RFC1: variants seen among roughly 807,000 people sequenced by gnomAD.
RFC1 encodes replication factor C subunit 1, also known as A1 140 kDa subunit.
RFC1 carries 37 observed loss-of-function variants against 137.4 expected under a neutral mutation model. The ratio of observed to expected loss-of-function variants is 0.27; its 90% CI spans 0.21 to 0.35. The LOEUF (loss-of-function observed/expected upper bound fraction) is 0.35, where lower values mean the gene tolerates loss of function less well. Among genes scored for constraint, RFC1 ranks in the 10% least tolerant of loss-of-function variants. RFC1 has a pLI of 1.00. For missense variants in RFC1, 1,205 were observed against 1,358.5 expected (o/e 0.89, Z 1.78); for synonymous variants, 429 against 455.7 (o/e 0.94, Z 0.75).
chr4:39,350,860 T>A (rs1352354684), intron 2 of RFC1, among the ~76,000 whole-genome samples: 1 of 152,212 alleles, frequency 6.6e-6, no homozygotes, highest in African/African-American at 2.4e-5. Context: ...TTGCCTTAAT[T>A]TTTTTAAAAA....
intron 4 of RFC1, among the ~76,000 whole-genome samples, chr4:39,330,056 T>G (rs1740020371): frequency 6.6e-6 from 1 of 151,870 alleles, no homozygotes. Context: ...TTTTTTTAAA[T>G]AAAAGACAAC....
chr4:39,320,159 GA>G (rs1259435555), intron 9 of RFC1, among the ~76,000 whole-genome samples: 1 of 152,020 alleles, frequency 6.6e-6, no homozygotes, highest in Non-Finnish European at 1.5e-5. Flanking sequence ...AGACCAGCCT[GA>G]CCAACATGGA....
At chr4:39,313,940 C>T (rs1739105062) in intron 10 of RFC1, among the ~76,000 whole-genome samples, 1 of 152,110 alleles carries the variant, frequency 6.6e-6, no homozygotes, top group Non-Finnish European at 1.5e-5. Context: ...TTAATTGGAA[C>T]TATGTTGAGT....
At chr4:39,304,783 A>T in intron 15 of RFC1, 31 bp downstream of exon 15, 1 of 1,223,598 alleles carries the variant, frequency 8.2e-7, no homozygotes, top group Non-Finnish European at 1.2e-6. Flanking sequence ...TTTCTTATAT[A>T]ACAACAACAG....
intron 22 of RFC1, among the ~76,000 whole-genome samples, chr4:39,293,560 G>A (rs1025667770): frequency 2.6e-5 from 4 of 152,026 alleles, no homozygotes; most frequent in African/African-American, 9.7e-5. Context: ...ACTTGATCAG[G>A]GTTAAAAAGT....
At chr4:39,365,333 G>T in intron 1 of RFC1, 4 of 313,658 alleles carry the variant, frequency 1.3e-5, no homozygotes, top group African/African-American at 2.2e-5. Flanking sequence ...CCAGAATGTT[G>T]TCACTGTGAC....
chr4:39,337,374 CA>C (rs34031141), intron 4 of RFC1, among the ~76,000 whole-genome samples: 169 of 73,850 alleles, frequency 2.3e-3, no homozygotes, highest in African/African-American at 4.0e-3. Flanking sequence ...AACTCCGTCT[CA>C]AAAAAAAAAA....
intron 19 of RFC1, among the ~76,000 whole-genome samples, chr4:39,301,944 C>A (rs1373688432): frequency 3.3e-5 from 5 of 152,150 alleles, no homozygotes; most frequent in Admixed American, 2.0e-4. Context: ...TAAACTAAAC[C>A]ATTTGACATG....
intron 10 of RFC1, among the ~76,000 whole-genome samples, chr4:39,313,886 A>G (rs1560600736): frequency 1.3e-5 from 2 of 152,208 alleles, no homozygotes; most frequent in South Asian, 4.1e-4. Flanking sequence ...GTATAATATA[A>G]GAGATACTTG....
At chr4:39,306,931 A>G (rs1251938241) in intron 13 of RFC1, among the ~76,000 whole-genome samples, 3 of 152,170 alleles carry the variant, frequency 2.0e-5, no homozygotes, top group Non-Finnish European at 4.4e-5. Flanking sequence ...AACTCACTTA[A>G]AACTCTTGAT....
intron 19 of RFC1, among the ~76,000 whole-genome samples, 159 bp from the exon 20 acceptor site, chr4:39,300,573 T>A (rs1391435954): frequency 6.6e-6 from 1 of 152,138 alleles, no homozygotes; most frequent in Non-Finnish European, 1.5e-5. Context: ...TTAAACATAC[T>A]CTTACCACGC....
intron 14 of RFC1, among the ~76,000 whole-genome samples, chr4:39,306,161 C>T (rs564485082): frequency 1.9e-4 from 29 of 152,268 alleles, no homozygotes; most frequent in Admixed American, 9.2e-4. Flanking sequence ...CCCTGAGTCG[C>T]GCTACCGGGT....
chr4:39,290,084 A>G (rs1337813530), intron 23 of RFC1, 45 bp from the exon 24 acceptor site: 3 of 1,426,158 alleles, frequency 2.1e-6, no homozygotes, highest in Non-Finnish European at 2.9e-6. Flanking sequence ...CTAAGTCCCA[A>G]ACAATTCTTT....
At chr4:39,335,037 C>T (rs2109710823) in intron 4 of RFC1, among the ~76,000 whole-genome samples, 1 of 152,256 alleles carries the variant, frequency 6.6e-6, no homozygotes, top group South Asian at 2.1e-4. Flanking sequence ...AGAATCTGGC[C>T]TTTCCAAACA....
chr4:39,355,264 TAAA>T (rs920133748), intron 1 of RFC1, among the ~76,000 whole-genome samples: 1 of 137,556 alleles, frequency 7.3e-6, no homozygotes, highest in African/African-American at 2.7e-5. Flanking sequence ...TCTCTACAAA[TAAA>T]AAAAAAAAAA....
chr4:39,331,632 T>C (rs1740106350), intron 4 of RFC1, among the ~76,000 whole-genome samples: 1 of 152,198 alleles, frequency 6.6e-6, no homozygotes, highest in Admixed American at 6.5e-5. Context: ...ACAAAATCTC[T>C]ACAGCAATAA....
chr4:39,291,533 G>T, intron 23 of RFC1, 106 bp downstream of exon 23: 1 of 773,870 alleles, frequency 1.3e-6, no homozygotes, highest in Non-Finnish European at 2.2e-6. Context: ...AAGCATTTGA[G>T]GGGAAAAAGA....
At position 39,316,979 on chromosome 4, in the gene RFC1, T is replaced by G; in HGVS notation, c.1139A>C (p.Gln380Pro). Residue 380 changes from glutamine (Q) to proline (P), a missense_variant, in exon 10 of 25, where the codon CAA (glutamine) becomes CCA (proline). By Grantham distance (76) the Gln-to-Pro change is moderately conservative. Around this residue, in one of 3 missense-constraint regions of RFC1, gnomAD observed 962 missense variants for 1,035.3 expected, o/e 0.93. Coordinates refer to ENST00000349703, the MANE Select transcript of RFC1 (RefSeq NM_002913.5). ...TCGATTTAAGTAGCTTCGATAAGCT[T>G]GATAATTAGTGCGTTTCTTTTCAGA... ...EDSEKKRTNY[Q>P]AYRSYLNREG... 1.2e-6 allele frequency: 2 copies of G among 1,614,102 alleles called. No homozygotes were observed. Among genetic ancestry groups the G allele is most frequent in the Non-Finnish European group, 1.7e-6 (2 of 1,179,960 alleles).
intron 16 of RFC1, 59 bp from the exon 17 acceptor site, chr4:39,302,933 A>G: frequency 6.5e-7 from 1 of 1,529,502 alleles, no homozygotes; most frequent in East Asian, 2.3e-5. Flanking sequence ...ATACCACACA[A>G]GCTATTTTAG....
Sources: gnomAD v4.1 joint callset for allele counts (sites outside exome capture counted in the v4.1 genomes callset) on GRCh38, gnomAD v4.1.1 for gene constraint, gnomAD v4.1.1 regional missense constraint, MANE v1.5 for transcripts, NCBI Gene and HGNC (gene_info 2026-07-23, HGNC 2026-07-21) for gene names.